Variants in TCERG1L observed in about 807,000 individuals in gnomAD.
TCERG1L encodes the protein transcription elongation regulator 1 like, also known as transcription elongation regulator 1-like protein.
Under a neutral mutation model 56.3 loss-of-function variants are expected in TCERG1L, and 37 were observed. That is an observed-to-expected ratio of 0.66 (90% CI 0.51 to 0.87). The LOEUF is 0.87. Ranked by LOEUF, TCERG1L falls within the 40% of genes least tolerant of loss-of-function variation. TCERG1L has a pLI of 0.00. For synonymous variants in TCERG1L, 324 were observed against 326.3 expected (o/e 0.99, Z 0.08); for missense variants, 799 against 774.2 (o/e 1.03, Z -0.38).
At chr10:131,191,270 T>C (rs1328199653) in intron 4 of TCERG1L, among the ~76,000 whole-genome samples, 1 of 143,930 alleles carries the variant, frequency 6.9e-6, no homozygotes, top group East Asian at 1.9e-4. Flanking sequence ...TGCTCATGGA[T>C]TGGAAGAATC....
chr10:131,096,710 C>T lies in TCERG1L; in HGVS notation c.1604+1596G>A, dbSNP rs528793999. ...GATCAGGAGATCCAGACCATCCTGG[C>T]TAACATGGTGAAACCCCGTCTCTAC... On this transcript the variant is annotated intron_variant, in intron 11 of 11. Transcript: ENST00000368642. Among the ~76,000 whole-genome samples the T allele has an allele frequency of 4.6e-5, 7 of 152,192 alleles. No homozygotes were observed. The South Asian group carries it at 1.5e-3, about 32-fold the overall frequency.
At chr10:131,234,566 T>A (rs1161203767) in intron 4 of TCERG1L, among the ~76,000 whole-genome samples, 1 of 152,198 alleles carries the variant, frequency 6.6e-6, no homozygotes, top group Non-Finnish European at 1.5e-5. Context: ...ACAGCTTACA[T>A]CACGGGAGAA....
At position 131,265,522 on chromosome 10, in the gene TCERG1L, T is replaced by C. The variant is rs190685522; in HGVS notation, c.671-5078A>G. Among the ~76,000 whole-genome samples, 307 of 152,334 alleles carry C rather than the reference T, an allele frequency of 2.0e-3. 1 individual carries two copies. Among genetic ancestry groups the C allele is most frequent in the Non-Finnish European group, 3.5e-3 (237 of 68,018 alleles). ...CCTTGTGAAGGGTGAAGTTCAGTCA[T>C]GATAACCATCGGAATTGAGTACCAG... On this transcript the variant is annotated intron_variant, in intron 3 of 11. Coordinates refer to ENST00000368642, the MANE Select transcript of TCERG1L (RefSeq NM_174937.4).
chr10:131,240,139 C>T (rs1017958665), intron 4 of TCERG1L, among the ~76,000 whole-genome samples: 13 of 152,150 alleles, frequency 8.5e-5, no homozygotes, highest in Non-Finnish European at 1.5e-4. Flanking sequence ...CCTAGTTATC[C>T]CCGCTGGCTT....
At chr10:131,237,985 C>T (rs987335479) in intron 4 of TCERG1L, among the ~76,000 whole-genome samples, 5 of 152,214 alleles carry the variant, frequency 3.3e-5, no homozygotes, top group Non-Finnish European at 5.9e-5. Flanking sequence ...TGTGGAGCAT[C>T]CCTAACTGAA....
intron 4 of TCERG1L, among the ~76,000 whole-genome samples, chr10:131,245,361 C>T (rs920305): frequency 0.9 from 137,058 of 152,242 alleles, 61,996 homozygotes; most frequent in East Asian, 1. Context: ...TAAATTATTT[C>T]TGGGAATAAC....
chr10:131,110,572 C>T (rs986026213), intron 9 of TCERG1L, among the ~76,000 whole-genome samples: 5 of 152,232 alleles, frequency 3.3e-5, no homozygotes, highest in Non-Finnish European at 5.9e-5. Context: ...GTCCACGCCT[C>T]CTGCTGTGGA....
At chr10:131,277,428 T>C (rs1846404565) in intron 3 of TCERG1L, among the ~76,000 whole-genome samples, 1 of 152,178 alleles carries the variant, frequency 6.6e-6, no homozygotes. Context: ...CCCGCAGGCC[T>C]GCGCCGGGGA....
At chr10:131,250,974 T>C (rs1206721327) in intron 4 of TCERG1L, among the ~76,000 whole-genome samples, 1 of 152,090 alleles carries the variant, frequency 6.6e-6, no homozygotes, top group Non-Finnish European at 1.5e-5. Context: ...TGGGCTCCGC[T>C]TCCCACCTGT....
chr10:131,218,664 T>C (rs1845699902), intron 4 of TCERG1L, among the ~76,000 whole-genome samples: 1 of 151,840 alleles, frequency 6.6e-6, no homozygotes, highest in Non-Finnish European at 1.5e-5. Flanking sequence ...CATAGGCGAG[T>C]GACTGGAGAT....
intron 4 of TCERG1L, among the ~76,000 whole-genome samples, chr10:131,172,462 G>T (rs2944524): frequency 0.11 from 17,493 of 152,324 alleles, 1,033 homozygotes; most frequent in East Asian, 0.23. Flanking sequence ...GGCTGAGGAG[G>T]GCGTTGACTC....
intron 4 of TCERG1L, among the ~76,000 whole-genome samples, chr10:131,243,732 C>T (rs1398503819): frequency 2.6e-5 from 4 of 152,254 alleles, no homozygotes; most frequent in Non-Finnish European, 5.9e-5. Flanking sequence ...TGACAACCAT[C>T]TTCAGCCAGT....
intron 4 of TCERG1L, among the ~76,000 whole-genome samples, chr10:131,170,098 C>T (rs1210674438): frequency 6.6e-6 from 1 of 152,112 alleles, no homozygotes; most frequent in Non-Finnish European, 1.5e-5. Context: ...GTGCCTTGCC[C>T]TAAATAGTTT....
At chr10:131,109,465 GCTGTGTCTGTGTCTGTGT>G (rs578046036) in intron 9 of TCERG1L, among the ~76,000 whole-genome samples, 9 of 151,956 alleles carry the variant, frequency 5.9e-5, no homozygotes, top group Non-Finnish European at 7.4e-5. Context: ...TGTGACTGTG[GCTGTGTCTGTGTCTGTGT>G]CTGTGTCTGT....
intron 1 of TCERG1L, among the ~76,000 whole-genome samples, chr10:131,310,913 T>C (rs1045915542): frequency 1.3e-5 from 2 of 152,250 alleles, no homozygotes; most frequent in Non-Finnish European, 2.9e-5. Context: ...GCAGAGACTG[T>C]GAAAGTCCTA....
At chr10:131,222,807 C>T (rs150490960) in intron 4 of TCERG1L, among the ~76,000 whole-genome samples, 31 of 152,292 alleles carry the variant, frequency 2.0e-4, no homozygotes, top group Non-Finnish European at 4.0e-4. Context: ...CCCAAGCCAC[C>T]GCTCTCTGGG....
intron 3 of TCERG1L, among the ~76,000 whole-genome samples, chr10:131,292,503 T>A (rs1376372638): frequency 6.6e-6 from 1 of 152,254 alleles, no homozygotes; most frequent in Non-Finnish European, 1.5e-5. Context: ...GTCTGTATAA[T>A]TTTAGTTTCC....
At position 131,258,531 on chromosome 10, in the gene TCERG1L, G is replaced by A. The variant is rs527734143; in HGVS notation, c.856+1728C>T. 1.1e-3 allele frequency among the ~76,000 whole-genome samples: 163 copies of A among 152,286 alleles called. 1 individual carries two copies. The highest frequency in any genetic ancestry group is 3.7e-3 in the African/African-American group (153 of 41,556). The stretch of plus-strand genomic sequence containing the variant: ...TCACAGCTCAGACCTGCTCATCACC[G>A]GTCCAGACCCAGCCTCCTGGTGGTA... On this transcript the variant is annotated intron_variant, in intron 4 of 11. Transcript: ENST00000368642.
chr10:131,275,432 T>C (rs111508638), intron 3 of TCERG1L, among the ~76,000 whole-genome samples: 1,810 of 152,320 alleles, frequency 0.012, 38 homozygotes, highest in African/African-American at 0.04. Context: ...GGGATACTAA[T>C]GCGTTGTTAT....
Sources: gnomAD v4.1 joint callset for allele counts (sites outside exome capture counted in the v4.1 genomes callset) on GRCh38, gnomAD v4.1.1 for gene constraint, MANE v1.5 for transcripts, NCBI Gene and HGNC (gene_info 2026-07-23, HGNC 2026-07-21) for gene names.